The following ABCE1 variants were observed in gnomAD, a reference collection of about 807,000 sequenced individuals.
ABCE1 encodes ATP binding cassette subfamily E member 1.
A neutral mutation model predicts 83.4 loss-of-function variants in ABCE1; 22 were observed. That is an observed-to-expected ratio of 0.26 (90% CI 0.19 to 0.38). ABCE1 has a LOEUF of 0.38. Among genes scored for constraint, ABCE1 ranks in the 10% least tolerant of loss-of-function variants. ABCE1 has a pLI of 1.00. For synonymous variants in ABCE1, 204 were observed against 233.7 expected (o/e 0.87, Z 1.16); for missense variants, 330 against 721.9 (o/e 0.46, Z 6.22).
At chr4:145,122,913 G>A (rs1579222942) in intron 13 of ABCE1, 108 bp from the exon 14 acceptor site, 1 of 726,274 alleles carries the variant, frequency 1.4e-6, no homozygotes, top group Non-Finnish European at 2.2e-6. Flanking sequence ...TCTGTTGGTG[G>A]CAAATTGATA....
chr4:145,110,063 A>G, intron 5 of ABCE1, 40 bp from the exon 6 acceptor site: 1 of 1,484,966 alleles, frequency 6.7e-7, no homozygotes, highest in Non-Finnish European at 9.0e-7. Flanking sequence ...TCATTGTATT[A>G]TTAAATTCAC....
intron 8 of ABCE1, among the ~76,000 whole-genome samples, chr4:145,111,646 A>G (rs1397954579): frequency 6.6e-6 from 1 of 152,130 alleles, no homozygotes; most frequent in Admixed American, 6.5e-5. Flanking sequence ...TTTTTATGTG[A>G]AAAGACTTAA....
In ABCE1 at chr4:145,127,613, A is replaced by T. The variant is rs757748185; in HGVS notation, c.*40A>T. 1.4e-6 allele frequency: 2 copies of T among 1,464,546 alleles called. No individual in the cohort carries two copies. Among genetic ancestry groups the T allele is most frequent in the Non-Finnish European group, 1.8e-6 (2 of 1,097,046 alleles). The allele number at this position is 1,464,546 out of a possible 1,614,324, so 90.7% of individuals were successfully genotyped here. A position where few individuals can be genotyped will look rare whatever the true frequency, so the allele number is the denominator to read the frequency against. The stretch of plus-strand genomic sequence containing the variant: ...TATTGATAAGCCATTTATTAAAAGG[A>T]GTATTTACTAGAATTTTTTGTCATA... On this transcript the variant is annotated 3_prime_UTR_variant, in exon 18 of 18. Coordinates refer to ENST00000296577, the MANE Select transcript of ABCE1 (RefSeq NM_002940.3).
intron 12 of ABCE1, 21 bp from the exon 13 acceptor site, chr4:145,121,311 TA>T: frequency 6.2e-7 from 1 of 1,612,832 alleles, no homozygotes; most frequent in East Asian, 2.2e-5. Context: ...TTTAGTGTCT[TA>T]TGTATTTCAT....
At chr4:145,120,765 G>A (rs2126712485) in intron 11 of ABCE1, among the ~76,000 whole-genome samples, 1 of 151,984 alleles carries the variant, frequency 6.6e-6, no homozygotes, top group South Asian at 2.1e-4. Context: ...TTAGATAATG[G>A]GAATTTTGAA....
rs765568398 is a variant in ABCE1 at position 145,112,344 on chromosome 4, G to T, written c.800+16G>T. 2 of 1,479,944 alleles carry T rather than the reference G, an allele frequency of 1.4e-6. No homozygotes were observed. Among genetic ancestry groups the T allele is most frequent in the East Asian group, 2.3e-5 (1 of 43,940 alleles). The allele number at this position is 1,479,944 out of a possible 1,614,324, so 91.7% of individuals were successfully genotyped here. A position where few individuals can be genotyped will look rare whatever the true frequency, so the allele number is the denominator to read the frequency against. The stretch of plus-strand genomic sequence containing the variant: ...ATCCAGATAGGTAAGTAGAGATCTG[G>T]CATATTACTGTGTTGTTTTGTTTGG... On this transcript the variant is annotated intron_variant, in intron 9 of 17. Coordinates refer to ENST00000296577, the MANE Select transcript of ABCE1 (RefSeq NM_002940.3).
intron 3 of ABCE1, among the ~76,000 whole-genome samples, chr4:145,107,049 G>A (rs548054155): frequency 3.3e-5 from 5 of 152,102 alleles, no homozygotes; most frequent in African/African-American, 7.2e-5. Context: ...CTGTACTTAC[G>A]AAAAATTTTT....
At position 145,110,255 on chromosome 4, in the gene ABCE1, G is replaced by A; in HGVS notation, c.543+15G>A. 1 of 1,597,994 alleles carries A rather than the reference G, an allele frequency of 6.3e-7. No individual in the cohort carries two copies. The highest frequency in any genetic ancestry group is 8.5e-7 in the Non-Finnish European group (1 of 1,175,652). ...AGGCTGCAAAGGTCGGTTTTTGATA[G>A]AGGGAACTTAACGGATATTAGTAGA... On this transcript the variant is annotated intron_variant, in intron 6 of 17. Transcript: ENST00000296577.
chr4:145,111,799 C>T (rs192924959), intron 8 of ABCE1, among the ~76,000 whole-genome samples: 3 of 152,180 alleles, frequency 2.0e-5, no homozygotes, highest in Non-Finnish European at 4.4e-5. Context: ...TCCTCCCAGA[C>T]ATTTATTGCT....
At chr4:145,111,508 A>G (rs1343560367) in intron 8 of ABCE1, among the ~76,000 whole-genome samples, 14 of 151,974 alleles carry the variant, frequency 9.2e-5, no homozygotes, top group Non-Finnish European at 2.1e-4. Context: ...TTGTATTTTT[A>G]GTAGAGACGG....
At chr4:145,117,904 G>GT (rs1387390505) in intron 10 of ABCE1, among the ~76,000 whole-genome samples, 2 of 151,454 alleles carry the variant, frequency 1.3e-5, no homozygotes, top group Non-Finnish European at 3.0e-5. Flanking sequence ...TTTAGTCTTT[G>GT]TACTTCCAAG....
chr4:145,117,184 CTTA>C, intron 9 of ABCE1, 106 bp from the exon 10 acceptor site: 1 of 910,528 alleles, frequency 1.1e-6, no homozygotes, highest in South Asian at 2.7e-5. Flanking sequence ...GCTTTTGCTT[CTTA>C]TGTCTTTATG....
In ABCE1 at chr4:145,117,366, G is replaced by A. The variant is rs1387770407; in HGVS notation, c.874G>A (p.Val292Ile). 6 of 1,611,164 alleles carry A rather than the reference G, an allele frequency of 3.7e-6. No individual in the cohort carries two copies. The highest frequency in any genetic ancestry group is 5.1e-6 in the Non-Finnish European group (6 of 1,178,388). The change falls in exon 10 of 18, where the codon GTA becomes ATA. Residue 292 changes from valine to isoleucine, a missense_variant. Transcript: ENST00000296577. ...LSDFICCLYG[V>I]PSAYGVVTMP... is the part of the protein sequence containing the mutation. The stretch of plus-strand genomic sequence containing the variant: ...CGACTTCATCTGCTGTTTATATGGT[G>A]TACCAAGCGCCTATGGAGTTGTCAC...
At chr4:145,110,741 C>T (rs1579213813) in intron 7 of ABCE1, 3 of 543,152 alleles carry the variant, frequency 5.5e-6, no homozygotes, top group South Asian at 2.6e-5. Context: ...GGATTACAGG[C>T]GTGAGCCACT....
chr4:145,110,974 C>A lies in ABCE1; in HGVS notation c.620C>A (p.Thr207Asn). 1 of 1,607,034 alleles carries A rather than the reference C, an allele frequency of 6.2e-7. No homozygotes were observed. ...QAIVCQQLDL[T>N]HLKERNVEDL... ...GCCTCTATGTTCTTTGTAGATTTAA[C>A]CCACCTAAAAGAACGAAATGTTGAA... Residue 207 changes from threonine (T) to asparagine (N), a missense_variant, in exon 8 of 18, where the codon ACC (threonine) becomes AAC (asparagine). Thr to Asn is a moderately conservative substitution (Grantham distance 65). Transcript: ENST00000296577.
At chr4:145,113,796 T>C (rs1211946982) in intron 9 of ABCE1, among the ~76,000 whole-genome samples, 6 of 152,116 alleles carry the variant, frequency 3.9e-5, no homozygotes, top group Non-Finnish European at 8.8e-5. Context: ...ATGGTGACAT[T>C]ACAGATTCAC....
chr4:145,100,960 TG>T (rs1392410915), intron 1 of ABCE1, among the ~76,000 whole-genome samples: 1 of 152,070 alleles, frequency 6.6e-6, no homozygotes, highest in African/African-American at 2.4e-5. Context: ...TCATGATGGA[TG>T]GAGTACATTC....
intron 13 of ABCE1, 131 bp downstream of exon 13, chr4:145,121,522 T>C: frequency 1.5e-6 from 1 of 673,442 alleles, no homozygotes; most frequent in Non-Finnish European, 2.5e-6. Context: ...TGCAAACAAA[T>C]GTATTAAGAG....
chr4:145,113,038 C>A (rs762441425), intron 9 of ABCE1, among the ~76,000 whole-genome samples: 6 of 152,160 alleles, frequency 3.9e-5, no homozygotes, highest in Non-Finnish European at 8.8e-5. Flanking sequence ...ATACATGGCT[C>A]ATCTTGCAAG....
Sources: gnomAD v4.1 joint callset for allele counts (sites outside exome capture counted in the v4.1 genomes callset) on GRCh38, gnomAD v4.1.1 for gene constraint, MANE v1.5 for transcripts, NCBI Gene and HGNC (gene_info 2026-07-23, HGNC 2026-07-21) for gene names.